Variants in MECOM observed in about 807,000 individuals in gnomAD.
MECOM encodes the protein histone-lysine N-methyltransferase MECOM.
A neutral mutation model predicts 116.3 loss-of-function variants in MECOM; 13 were observed. That is an observed-to-expected ratio of 0.11 (90% CI 0.07 to 0.18). MECOM has a LOEUF of 0.18. MECOM is among the 10% of genes least tolerant of loss of function. MECOM has a pLI of 1.00. For missense variants in MECOM, 1,299 were observed against 1,509.0 expected, an observed-to-expected ratio of 0.86 and a Z score of 2.31; for synonymous variants, 528 against 535.2, an observed-to-expected ratio of 0.99 and a Z score of 0.19.
intron 1 of MECOM, among the ~76,000 whole-genome samples, chr3:169,535,721 G>A (rs1034304459): frequency 6.6e-6 from 1 of 152,190 alleles, no homozygotes; most frequent in Admixed American, 6.5e-5. Flanking sequence ...AACTGTGTCT[G>A]CTTTGGTCAC....
chr3:169,626,643 T>G (rs532323672), intron 1 of MECOM, among the ~76,000 whole-genome samples: 17 of 152,200 alleles, frequency 1.1e-4, no homozygotes, highest in Non-Finnish European at 2.2e-4. Flanking sequence ...TTTCAAGTTT[T>G]AAAGGATTGA....
intron 2 of MECOM, among the ~76,000 whole-genome samples, chr3:169,317,467 T>C (rs1577693194): frequency 6.6e-6 from 1 of 152,234 alleles, no homozygotes. Context: ...TATGAAAACA[T>C]CAGCCACTGA....
At chr3:169,133,848 G>T in intron 3 of MECOM, 2 of 1,098,662 alleles carry the variant, frequency 1.8e-6, no homozygotes, top group Non-Finnish European at 2.5e-6. Flanking sequence ...TAAGTACACT[G>T]TTTCATTCTG....
rs55845841 is a variant in MECOM, at chr3:169,146,389, G to A, written c.376-2557C>T. 464 of 1,387,998 alleles carry A rather than the reference G, an allele frequency of 3.3e-4. 2 individuals are homozygous for A. The African/African-American group carries it at 6.1e-3, about 18-fold the overall frequency. 86.0% of individuals were successfully genotyped at this position (1,387,998 alleles called of 1,614,324 possible). On this transcript the variant is annotated intron_variant, in intron 2 of 16. Coordinates refer to ENST00000651503, the MANE Select transcript of MECOM (RefSeq NM_004991.4). ...TGGCAACCGCACCTTGTGCGTCCCC[G>A]AAACCGACGGACAGAGACACACGGA...
chr3:169,257,756 A>G (rs1374948709), intron 2 of MECOM, among the ~76,000 whole-genome samples: 1 of 152,074 alleles, frequency 6.6e-6, no homozygotes, highest in African/African-American at 2.4e-5. Context: ...CCTTTCCTCA[A>G]CCATCAAGTA....
chr3:169,197,766 T>C (rs1341950022), intron 2 of MECOM, among the ~76,000 whole-genome samples: 1 of 151,980 alleles, frequency 6.6e-6, no homozygotes, highest in Non-Finnish European at 1.5e-5. Context: ...AGAATAAGGG[T>C]TAAAGATTTC....
At chr3:169,476,772 G>A (rs1254782959) in intron 1 of MECOM, 1 of 151,670 alleles carries the variant, frequency 6.6e-6, no homozygotes. Flanking sequence ...CAAAACAGGA[G>A]CCAGGTGACC....
At chr3:169,256,205 C>T (rs1577485037) in intron 2 of MECOM, among the ~76,000 whole-genome samples, 1 of 152,212 alleles carries the variant, frequency 6.6e-6, no homozygotes, top group East Asian at 1.9e-4. Context: ...TAACTGTATG[C>T]ATGACTGGTG....
chr3:169,215,147 T>A (rs1345476303), intron 2 of MECOM, among the ~76,000 whole-genome samples: 1 of 150,446 alleles, frequency 6.6e-6, no homozygotes, highest in Non-Finnish European at 1.5e-5. Flanking sequence ...ATTAAACTCC[T>A]CCAAAAGTAA....
intron 2 of MECOM, among the ~76,000 whole-genome samples, chr3:169,207,658 A>G (rs1274316745): frequency 6.6e-6 from 1 of 152,190 alleles, no homozygotes; most frequent in Non-Finnish European, 1.5e-5. Flanking sequence ...GATTTCTAAG[A>G]AAAGGAGAAT....
chr3:169,578,065 T>C (rs920077523), intron 1 of MECOM, among the ~76,000 whole-genome samples: 2 of 152,186 alleles, frequency 1.3e-5, no homozygotes, highest in Non-Finnish European at 2.9e-5. Flanking sequence ...TCTAATATGG[T>C]ACTTATTGTC....
intron 2 of MECOM, among the ~76,000 whole-genome samples, chr3:169,338,864 A>G (rs1724017673): frequency 6.6e-6 from 1 of 152,080 alleles, no homozygotes; most frequent in African/African-American, 2.4e-5. Flanking sequence ...GTCTTAGCAG[A>G]TCGGGAGGAA....
At chr3:169,102,954 T>C (rs1228502665) in intron 10 of MECOM, among the ~76,000 whole-genome samples, 1 of 151,866 alleles carries the variant, frequency 6.6e-6, no homozygotes, top group African/African-American at 2.4e-5. Context: ...GAGCAGTTTA[T>C]GTAACCACAC....
At chr3:169,207,580 A>C (rs1272894200) in intron 2 of MECOM, among the ~76,000 whole-genome samples, 1 of 152,220 alleles carries the variant, frequency 6.6e-6, no homozygotes, top group Non-Finnish European at 1.5e-5. Context: ...AAAAAACTAC[A>C]TATAAGTACA....
At chr3:169,411,642 G>C (rs565038073) in intron 1 of MECOM, among the ~76,000 whole-genome samples, 1 of 152,176 alleles carries the variant, frequency 6.6e-6, no homozygotes, top group Non-Finnish European at 1.5e-5. Context: ...AAGCACCAAA[G>C]AGCCCAAAAG....
chr3:169,422,740 G>C (rs6796782), intron 1 of MECOM, among the ~76,000 whole-genome samples: 29,596 of 151,904 alleles, frequency 0.19, 3,491 homozygotes, highest in East Asian at 0.52. Context: ...TATGCATAAC[G>C]CAGTGAAAAT....
chr3:169,218,716 T>C (rs1253203153), intron 2 of MECOM, among the ~76,000 whole-genome samples: 4 of 152,220 alleles, frequency 2.6e-5, no homozygotes, highest in Non-Finnish European at 5.9e-5. Flanking sequence ...GTGTTAACTT[T>C]TATTTCTTAA....
chr3:169,343,587 G>C (rs927135866), intron 2 of MECOM, among the ~76,000 whole-genome samples: 8 of 152,092 alleles, frequency 5.3e-5, no homozygotes, highest in Non-Finnish European at 1.2e-4. Context: ...TTGTTAAATA[G>C]CTTCGTTAAT....
At chr3:169,468,387 C>T (rs983647577) in intron 1 of MECOM, among the ~76,000 whole-genome samples, 1 of 152,172 alleles carries the variant, frequency 6.6e-6, no homozygotes, top group African/African-American at 2.4e-5. Flanking sequence ...TTCTTCACAG[C>T]ACTAATCAGG....
Sources: gnomAD v4.1 joint callset for allele counts (sites outside exome capture counted in the v4.1 genomes callset) on GRCh38, gnomAD v4.1.1 for gene constraint, MANE v1.5 for transcripts, NCBI Gene and HGNC (gene_info 2026-07-23, HGNC 2026-07-21) for gene names.